Variants in LRIF1 observed in about 807,000 individuals in gnomAD.
LRIF1 encodes ligand dependent nuclear receptor interacting factor 1, also known as ligand-dependent nuclear receptor-interacting factor 1.
Under a neutral mutation model 52.7 loss-of-function variants are expected in LRIF1, and 32 were observed. The ratio of observed to expected loss-of-function variants is 0.61; its 90% CI spans 0.46 to 0.82. The LOEUF is 0.82. Among genes scored for constraint, LRIF1 ranks in the 40% least tolerant of loss-of-function variants. LRIF1 has a pLI of 0.00. For missense variants in LRIF1, 887 were observed against 892.0 expected (o/e 0.99, Z 0.07); for synonymous variants, 323 against 317.4 (o/e 1.02, Z -0.19).
intron 1 of LRIF1, among the ~76,000 whole-genome samples, chr1:110,962,633 A>C (rs1659007151): frequency 6.6e-6 from 1 of 152,164 alleles, no homozygotes; most frequent in African/African-American, 2.4e-5. Context: ...CATTCTCCTA[A>C]TCTTTAAAAT....
chr1:110,904,253 T>C, the LRIF1 span, among the ~76,000 whole-genome samples: 3 of 152,312 alleles, frequency 2.0e-5, no homozygotes, highest in East Asian at 3.9e-4. Flanking sequence ...CCATCTGTGA[T>C]TGTAGAGCCC....
At chr1:110,946,242 A>G (rs1658200323), downstream of LRIF1, among the ~76,000 whole-genome samples, 1 of 152,220 alleles carries the variant, frequency 6.6e-6, no homozygotes, top group Non-Finnish European at 1.5e-5. Flanking sequence ...ACAAAGAAAA[A>G]CATATTGTAT....
the LRIF1 span, among the ~76,000 whole-genome samples, chr1:110,918,427 T>C: frequency 6.6e-6 from 1 of 152,310 alleles, no homozygotes; most frequent in African/African-American, 2.4e-5. Flanking sequence ...AAATGTATCA[T>C]AGTTGATAAA....
Position 110,952,111 on chromosome 1 carries a change from G to A in LRIF1, c.773C>T (p.Ala258Val). 7 of 1,614,102 alleles carry A rather than the reference G, an allele frequency of 4.3e-6. No individual in the cohort carries two copies. The highest frequency in any genetic ancestry group is 5.9e-6 in the Non-Finnish European group (7 of 1,179,992). Residue 258 changes from alanine to valine, a missense_variant, in exon 2 of 4, where the codon GCA (alanine) becomes GTA (valine). Transcript: ENST00000369763. ...TGTGGTATTTAGTATTACTGGCTTT[G>A]CTATTTCTGTAACAGGTTTTGGGTA... ...NIYPKPVTEI[A>V]KPVILNTTQI...
chr1:110,917,821 G>A, the LRIF1 span, among the ~76,000 whole-genome samples: 118 of 152,050 alleles, frequency 7.8e-4, no homozygotes, highest in African/African-American at 2.7e-3. Context: ...AGAACAATAT[G>A]AGAGAGGAAA....
Position 110,952,097 on chromosome 1 carries a change from G to T in LRIF1, c.787C>A (p.Leu263Ile). 6.2e-7 allele frequency: 1 copy of T among 1,614,172 alleles called. No homozygotes were observed. Among genetic ancestry groups the T allele is most frequent in the Non-Finnish European group, 8.5e-7 (1 of 1,180,014 alleles). ...TTCTTTGGAATTTGTGTGGTATTTA[G>T]TATTACTGGCTTTGCTATTTCTGTA... ...PVTEIAKPVI[L>I]NTTQIPKNVA... The change falls in exon 2 of 4, where the codon CTA becomes ATA. Residue 263 changes from leucine to isoleucine, a missense_variant. Leu to Ile is a conservative substitution (Grantham distance 5, BLOSUM62 2). Coordinates refer to ENST00000369763, the MANE Select transcript of LRIF1 (RefSeq NM_018372.4).
chr1:110,903,829 G>A, the LRIF1 span, among the ~76,000 whole-genome samples: 4 of 152,140 alleles, frequency 2.6e-5, no homozygotes, highest in African/African-American at 4.8e-5. Context: ...GGCTCCTGAG[G>A]TCCCTGATTC....
the LRIF1 span, among the ~76,000 whole-genome samples, chr1:110,879,431 C>T: frequency 1.3e-5 from 2 of 152,196 alleles, no homozygotes; most frequent in African/African-American, 4.8e-5. Flanking sequence ...CTGTGTTCCA[C>T]AGAATACTAT....
At chr1:110,916,168 C>A in the LRIF1 span, among the ~76,000 whole-genome samples, 1 of 151,708 alleles carries the variant, frequency 6.6e-6, no homozygotes, top group African/African-American at 2.4e-5. Flanking sequence ...AGTCTGAAAC[C>A]AGAAAAAAAT....
chr1:110,896,558 T>A, the LRIF1 span: 1 of 1,126,788 alleles, frequency 8.9e-7, no homozygotes, highest in Non-Finnish European at 1.3e-6. Flanking sequence ...TGCTATAGAG[T>A]CAGATCTGAA....
At chr1:110,886,869 A>ATATATATTTTT in the LRIF1 span, among the ~76,000 whole-genome samples, 762 of 82,632 alleles carry the variant, frequency 9.2e-3, 7 homozygotes, top group African/African-American at 0.026. Context: ...ATATATATAT[A>ATATATATTTTT]TTTTTTTTTT....
the LRIF1 span, among the ~76,000 whole-genome samples, chr1:110,927,703 T>G: frequency 4.0e-4 from 61 of 152,272 alleles, no homozygotes; most frequent in African/African-American, 1.4e-3. Flanking sequence ...ACTTTTACCT[T>G]CCAGGTTTTC....
chr1:110,880,389 GAGGA>G, the LRIF1 span: 1 of 152,090 alleles, frequency 6.6e-6, no homozygotes, highest in Non-Finnish European at 1.5e-5. Context: ...GAAAGTGGGA[GAGGA>G]AGGAAGAAGA....
chr1:110,898,208 T>G, the LRIF1 span, among the ~76,000 whole-genome samples: 1 of 151,868 alleles, frequency 6.6e-6, no homozygotes, highest in East Asian at 1.9e-4. Flanking sequence ...AAACCCCGTC[T>G]CTACTAAAAA....
the LRIF1 span, among the ~76,000 whole-genome samples, chr1:110,890,145 C>T: frequency 6.6e-6 from 1 of 152,142 alleles, no homozygotes; most frequent in Admixed American, 6.5e-5. Flanking sequence ...ACAAGTGACC[C>T]ATGCACTGGA....
the LRIF1 span, among the ~76,000 whole-genome samples, chr1:110,925,844 T>C: frequency 2.6e-5 from 4 of 152,120 alleles, no homozygotes; most frequent in African/African-American, 4.8e-5. Flanking sequence ...ATAGTCAATA[T>C]ACAAATGTAA....
intron 1 of LRIF1, among the ~76,000 whole-genome samples, chr1:110,956,337 G>C (rs1011902539): frequency 6.6e-6 from 1 of 152,016 alleles, no homozygotes; most frequent in African/African-American, 2.4e-5. Flanking sequence ...TCCAGGGTTG[G>C]GGTGGCATCA....
chr1:110,919,985 T>C, the LRIF1 span, among the ~76,000 whole-genome samples: 2 of 152,132 alleles, frequency 1.3e-5, no homozygotes, highest in African/African-American at 4.8e-5. Flanking sequence ...AATTGCAAAC[T>C]AAGACAATGA....
chr1:110,958,966 C>T (rs950323513), intron 1 of LRIF1, among the ~76,000 whole-genome samples: 1 of 152,116 alleles, frequency 6.6e-6, no homozygotes, highest in African/African-American at 2.4e-5. Context: ...CTCCTTCTAT[C>T]AATATACAGT....
Sources: allele counts gnomAD v4.1 joint callset (sites outside exome capture counted in the v4.1 genomes callset), GRCh38; gene constraint gnomAD v4.1.1; transcripts MANE v1.5; gene names NCBI Gene and HGNC (gene_info 2026-07-23, HGNC 2026-07-21).